The following LRRC4C variants were observed in gnomAD, a reference collection of about 807,000 sequenced individuals.
LRRC4C encodes leucine-rich repeat-containing protein 4C.
Under a neutral mutation model 33.6 loss-of-function variants are expected in LRRC4C, and 5 were observed. That is an observed-to-expected ratio of 0.15 (90% CI 0.08 to 0.31). The LOEUF (loss-of-function observed/expected upper bound fraction) is 0.31. Ranked by LOEUF, LRRC4C falls within the 10% of genes least tolerant of loss-of-function variation. The probability of loss-of-function intolerance (pLI) is 1.00; values close to 1 mark genes in which losing one functional copy is unlikely to be tolerated. For missense variants in LRRC4C, 560 were observed against 796.7 expected (o/e 0.70, Z 3.58); for synonymous variants, 329 against 302.0 (o/e 1.09, Z -0.93).
chr11:40,464,947 G>A (rs1457188437), intron 3 of LRRC4C, among the ~76,000 whole-genome samples: 3 of 150,664 alleles, frequency 2.0e-5, no homozygotes, highest in African/African-American at 7.4e-5. Context: ...ATTTTTCACA[G>A]AATTAGAAAA....
chr11:41,417,453 C>T (rs1216704990), intron 1 of LRRC4C, among the ~76,000 whole-genome samples: 2 of 151,984 alleles, frequency 1.3e-5, no homozygotes, highest in East Asian at 3.9e-4. Flanking sequence ...GACAATGTAT[C>T]CCATGCCTCA....
At chr11:41,150,414 T>C (rs1241232637) in intron 1 of LRRC4C, among the ~76,000 whole-genome samples, 8 of 152,222 alleles carry the variant, frequency 5.3e-5, no homozygotes, top group African/African-American at 7.2e-5. Flanking sequence ...TAGAGACTTA[T>C]CTTCAAATTT....
chr11:40,853,305 A>T (rs1490446317), intron 2 of LRRC4C, among the ~76,000 whole-genome samples: 4 of 151,558 alleles, frequency 2.6e-5, no homozygotes, highest in Admixed American at 2.0e-4. Context: ...ACAAATATAT[A>T]GATATACATA....
At chr11:40,630,486 A>C (rs1963396207) in intron 3 of LRRC4C, among the ~76,000 whole-genome samples, 1 of 150,284 alleles carries the variant, frequency 6.7e-6, no homozygotes, top group Admixed American at 6.6e-5. Flanking sequence ...TGAGCTTACT[A>C]TGCAGCAAGT....
intron 1 of LRRC4C, among the ~76,000 whole-genome samples, chr11:41,266,255 C>T (rs1949148378): frequency 6.6e-6 from 1 of 152,110 alleles, no homozygotes; most frequent in African/African-American, 2.4e-5. Flanking sequence ...GCCTCTGACA[C>T]AGGTTTAGAT....
intron 4 of LRRC4C, among the ~76,000 whole-genome samples, chr11:40,256,991 T>C (rs1380620959): frequency 2.6e-5 from 4 of 152,216 alleles, no homozygotes; most frequent in African/African-American, 7.2e-5. Context: ...ATGTTTTATT[T>C]CATTAATGCA....
At chr11:41,045,320 C>T (rs1345001052) in intron 1 of LRRC4C, among the ~76,000 whole-genome samples, 1 of 152,060 alleles carries the variant, frequency 6.6e-6, no homozygotes, top group Non-Finnish European at 1.5e-5. Context: ...GAGAATCACT[C>T]TTTCCTCTTA....
At chr11:40,324,341 G>C (rs1270202648) in intron 3 of LRRC4C, among the ~76,000 whole-genome samples, 2 of 152,084 alleles carry the variant, frequency 1.3e-5, no homozygotes, top group African/African-American at 4.8e-5. Flanking sequence ...AGTTTTTTTT[G>C]TCAGATGTCA....
At chr11:40,635,971 G>GA (rs1410103117) in intron 3 of LRRC4C, among the ~76,000 whole-genome samples, 1 of 151,730 alleles carries the variant, frequency 6.6e-6, no homozygotes, top group Non-Finnish European at 1.5e-5. Context: ...CAGAAATAGG[G>GA]AAAAAAACAA....
intron 3 of LRRC4C, among the ~76,000 whole-genome samples, chr11:40,345,014 A>G (rs575085681): frequency 6.8e-4 from 104 of 152,308 alleles, no homozygotes; most frequent in Non-Finnish European, 1.3e-3. Flanking sequence ...TGATACAAAC[A>G]GATAGAAAAA....
intron 2 of LRRC4C, among the ~76,000 whole-genome samples, chr11:40,749,050 C>T (rs949180876): frequency 7.2e-4 from 109 of 152,032 alleles, no homozygotes; most frequent in Middle Eastern, 3.4e-3. Context: ...GGAGATTCAA[C>T]GTAAGACAGA....
intron 5 of LRRC4C, among the ~76,000 whole-genome samples, chr11:40,171,135 A>G (rs960676395): frequency 2.6e-5 from 4 of 152,248 alleles, no homozygotes; most frequent in Admixed American, 1.3e-4. Flanking sequence ...TAAAAAATGG[A>G]AAAAAATGAA....
chr11:40,556,432 A>G (rs1283019585), intron 3 of LRRC4C, among the ~76,000 whole-genome samples: 1 of 152,224 alleles, frequency 6.6e-6, no homozygotes, highest in Non-Finnish European at 1.5e-5. Context: ...CTGAGACACT[A>G]TCATTCACTG....
rs76857147 is a variant in LRRC4C at position 40,172,999 on chromosome 11, A to C, written c.-95-32146T>G. Among the ~76,000 whole-genome samples, 1,460 of 152,310 alleles carry C rather than the reference A, an allele frequency of 9.6e-3. 33 individuals carry two copies. The highest frequency in any genetic ancestry group is 0.034 in the African/African-American group (1,401 of 41,568). ...AGGAAGATCAAGTGAAGACAAGTAA[A>C]GAGACGGCAGTCATGAGACTGAAGC... On this transcript the variant is annotated intron_variant, in intron 5 of 6. Transcript: ENST00000528697.
At chr11:41,100,664 A>G (rs917747025) in intron 1 of LRRC4C, among the ~76,000 whole-genome samples, 1 of 152,248 alleles carries the variant, frequency 6.6e-6, no homozygotes, top group African/African-American at 2.4e-5. Flanking sequence ...AACCAATGAC[A>G]TTCTTCACAG....
chr11:40,180,641 T>A (rs1860913229), intron 5 of LRRC4C, among the ~76,000 whole-genome samples: 1 of 152,226 alleles, frequency 6.6e-6, no homozygotes. Flanking sequence ...TTACTCTTAC[T>A]TAGAACAGCT....
At chr11:41,130,569 T>C (rs1942964894) in intron 1 of LRRC4C, among the ~76,000 whole-genome samples, 1 of 152,012 alleles carries the variant, frequency 6.6e-6, no homozygotes, top group South Asian at 2.1e-4. Context: ...CTATGAAATG[T>C]TTTTTACTTT....
chr11:40,972,352 G>A (rs895120538), intron 1 of LRRC4C, among the ~76,000 whole-genome samples: 12 of 152,044 alleles, frequency 7.9e-5, no homozygotes, highest in African/African-American at 2.9e-4. Flanking sequence ...GGCCAGGCTG[G>A]TCTTGAACTC....
At chr11:41,191,036 C>A (rs2136210426) in intron 1 of LRRC4C, among the ~76,000 whole-genome samples, 1 of 152,134 alleles carries the variant, frequency 6.6e-6, no homozygotes, top group East Asian at 1.9e-4. Context: ...CTGTTTTAAC[C>A]CCTCCCTGGC....
Sources: allele counts gnomAD v4.1 joint callset (sites outside exome capture counted in the v4.1 genomes callset), GRCh38; gene constraint gnomAD v4.1.1; transcripts MANE v1.5; gene names NCBI Gene and HGNC (gene_info 2026-07-23, HGNC 2026-07-21).